IL7: variants seen among roughly 807,000 people sequenced by gnomAD.
The protein encoded by IL7 is interleukin 7, also known as interleukin-7.
A neutral mutation model predicts 21.6 loss-of-function variants in IL7; 3 were observed. The ratio of observed to expected loss-of-function variants is 0.14; its 90% CI spans 0.06 to 0.36. The LOEUF (loss-of-function observed/expected upper bound fraction) is 0.36, where lower values mean the gene tolerates loss of function less well. Ranked by LOEUF, IL7 falls within the 10% of genes least tolerant of loss-of-function variation. IL7 has a pLI of 1.00. For synonymous variants in IL7, 62 were observed against 68.1 expected (o/e 0.91, Z 0.44); for missense variants, 175 against 200.2 (o/e 0.87, Z 0.76).
At chr8:78,769,498 A>C (rs942921939) in intron 2 of IL7, among the ~76,000 whole-genome samples, 1 of 152,172 alleles carries the variant, frequency 6.6e-6, no homozygotes, top group African/African-American at 2.4e-5. Context: ...GACCTCTTCA[A>C]GGAGAACTAC....
chr8:78,710,155 A>AT (rs1238595093), intron 3 of IL7, among the ~76,000 whole-genome samples: 3 of 152,132 alleles, frequency 2.0e-5, no homozygotes, highest in Admixed American at 2.0e-4. Context: ...TAAAATCTTG[A>AT]TTGTTATTGA....
chr8:78,776,538 C>T (rs576200665), intron 2 of IL7, among the ~76,000 whole-genome samples: 2 of 152,166 alleles, frequency 1.3e-5, no homozygotes, highest in African/African-American at 4.8e-5. Flanking sequence ...TCATAAATCA[C>T]ACAATTTCTA....
chr8:78,760,524 G>C, intron 2 of IL7: 1 of 1,537,978 alleles, frequency 6.5e-7, no homozygotes. Context: ...AGCGTGTCAG[G>C]ATTGGGTAAG....
At chr8:78,758,511 C>T (rs1215211045) in intron 2 of IL7, among the ~76,000 whole-genome samples, 1 of 151,704 alleles carries the variant, frequency 6.6e-6, no homozygotes, top group Non-Finnish European at 1.5e-5. Context: ...TGTTGTACTC[C>T]CTGAAGCATT....
intron 3 of IL7, among the ~76,000 whole-genome samples, chr8:78,701,167 T>C (rs1810590137): frequency 6.6e-6 from 1 of 152,240 alleles, no homozygotes; most frequent in South Asian, 2.1e-4. Flanking sequence ...TTTAATTTCT[T>C]TGAGCATTGG....
chr8:78,744,890 C>A (rs1380660390), intron 2 of IL7, among the ~76,000 whole-genome samples: 1 of 152,136 alleles, frequency 6.6e-6, no homozygotes, highest in East Asian at 1.9e-4. Flanking sequence ...ATTCACTCAC[C>A]GATTCTCTGG....
intron 2 of IL7, among the ~76,000 whole-genome samples, chr8:78,765,443 ATAT>A (rs1377530924): frequency 1.3e-5 from 2 of 152,152 alleles, no homozygotes; most frequent in Admixed American, 6.5e-5. Context: ...TGGTAAAATA[ATAT>A]TATCCAAAAT....
chr8:78,697,251 A>G (rs962410956), intron 3 of IL7, among the ~76,000 whole-genome samples: 2 of 152,234 alleles, frequency 1.3e-5, no homozygotes, highest in Non-Finnish European at 2.9e-5. Context: ...TTAATACATT[A>G]ATGATGTGCA....
intron 2 of IL7, among the ~76,000 whole-genome samples, chr8:78,753,768 G>T (rs773499971): frequency 6.6e-6 from 1 of 152,066 alleles, no homozygotes; most frequent in Non-Finnish European, 1.5e-5. Flanking sequence ...ATAAGGAAGG[G>T]GTCCAGTTTC....
exon 5 of IL7, chr8:78,675,888 T>C (rs771652213): frequency 6.3e-7 from 1 of 1,583,110 alleles, no homozygotes; most frequent in South Asian, 1.1e-5. Flanking sequence ...TTTGTACCTT[T>C]ATGGTTTTAC....
chr8:78,779,813 T>C (rs1813262065), intron 2 of IL7, among the ~76,000 whole-genome samples: 1 of 152,188 alleles, frequency 6.6e-6, no homozygotes, highest in Non-Finnish European at 1.5e-5. Flanking sequence ...GAAAAAATGG[T>C]ACCAGCTCCT....
chr8:78,781,048 C>A (rs886328702), intron 2 of IL7, among the ~76,000 whole-genome samples: 3 of 152,028 alleles, frequency 2.0e-5, no homozygotes, highest in African/African-American at 4.8e-5. Context: ...AGGATTGCAA[C>A]CCCTGATTTT....
At chr8:78,788,853 T>C (rs947472512) in intron 2 of IL7, among the ~76,000 whole-genome samples, 4 of 152,194 alleles carry the variant, frequency 2.6e-5, no homozygotes, top group Non-Finnish European at 4.4e-5. Flanking sequence ...AATAGATACA[T>C]GTATTTCTTG....
Position 78,738,558 on chromosome 8 carries a change from G to C in IL7, c.306C>G (p.Leu102=). ...LKMNSTGDFD[L]HLLKVSEGTT... ...TGCCTTCTGAAACTTTTAATAAGTG[G>C]AGATCAAAATCACCAGTGCTATTCA... Residue 102 remains leucine (L), a synonymous_variant, in exon 4 of 6, where the codon CTC becomes CTG. Coordinates refer to ENST00000263851, the MANE Select transcript of IL7 (RefSeq NM_000880.4). 1 of 1,613,524 alleles carries C rather than the reference G, an allele frequency of 6.2e-7. No homozygotes were observed. Among genetic ancestry groups the C allele is most frequent in the Non-Finnish European group, 8.5e-7 (1 of 1,179,572 alleles).
intron 3 of IL7, among the ~76,000 whole-genome samples, chr8:78,705,519 A>C (rs1000604646): frequency 1.1e-4 from 16 of 151,884 alleles, no homozygotes; most frequent in African/African-American, 3.9e-4. Flanking sequence ...GTGGCTGAAG[A>C]CTCCAGTTGG....
chr8:78,747,753 A>G (rs1310662457), intron 2 of IL7, among the ~76,000 whole-genome samples: 1 of 152,206 alleles, frequency 6.6e-6, no homozygotes, highest in Admixed American at 6.5e-5. Context: ...GATCAAAATC[A>G]TACGTGGCTC....
chr8:78,756,773 G>A (rs1353556022), intron 2 of IL7, among the ~76,000 whole-genome samples: 1 of 151,146 alleles, frequency 6.6e-6, no homozygotes, highest in Non-Finnish European at 1.5e-5. Context: ...TTTTTTCTAG[G>A]ATTTTATTTT....
chr8:78,797,823 TTTAC>T, intron 2 of IL7: 1 of 304,718 alleles, frequency 3.3e-6, no homozygotes, highest in Admixed American at 4.5e-5. Flanking sequence ...TTACAAGAAA[TTTAC>T]TAAAAGGGAA....
At chr8:78,676,011 T>C in exon 5 of IL7, 2 of 510,518 alleles carry the variant, frequency 3.9e-6, no homozygotes, top group Non-Finnish European at 6.6e-6. Context: ...TGATTTCAGC[T>C]ATGCCATTCT....
Sources: gnomAD v4.1 joint callset for allele counts (sites outside exome capture counted in the v4.1 genomes callset) on GRCh38, gnomAD v4.1.1 for gene constraint, MANE v1.5 for transcripts, NCBI Gene and HGNC (gene_info 2026-07-23, HGNC 2026-07-21) for gene names.